The following TTC32 variants were observed in gnomAD, a reference collection of about 807,000 sequenced individuals.
TTC32 encodes the protein tetratricopeptide repeat protein 32.
A neutral mutation model predicts 15.3 loss-of-function variants in TTC32; 16 were observed. The ratio of observed to expected loss-of-function variants is 1.05; its 90% CI spans 0.71 to 1.59. The LOEUF (loss-of-function observed/expected upper bound fraction) is 1.59, where lower values mean the gene tolerates loss of function less well. Ranked by LOEUF, TTC32 falls within the 40% of genes most tolerant of loss-of-function variation. TTC32 has a pLI of 0.00. For missense variants in TTC32, 188 were observed against 181.9 expected (o/e 1.03, Z -0.19); for synonymous variants, 89 against 67.8 (o/e 1.31, Z -1.53).
chr2:19,897,083 G>A lies in TTC32; in HGVS notation c.360C>T (p.Asp120=). ...DALEDFKKVL[D]LNPGFQDATL... ...TAGCATCTTGAAATCCAGGATTTAA[G>A]TCTAAGACCTTCTTGAAATCTTCCA... The change falls in exon 3 of 3, where the codon GAC becomes GAT. Residue 120 remains aspartate, a synonymous_variant. Coordinates refer to ENST00000333610, the MANE Select transcript of TTC32 (RefSeq NM_001008237.3). The A allele has an allele frequency of 6.2e-7, 1 of 1,607,504 alleles. No homozygotes were observed. The highest frequency in any genetic ancestry group is 8.5e-7 in the Non-Finnish European group (1 of 1,177,654).
Position 19,896,886 on chromosome 2 carries a change from A to T in TTC32, c.*101T>A. The T allele has an allele frequency of 8.7e-7, 1 of 1,155,220 alleles. No homozygotes were observed. Among genetic ancestry groups the T allele is most frequent in the Non-Finnish European group, 1.2e-6 (1 of 845,592 alleles). 71.6% of individuals were successfully genotyped at this position (1,155,220 alleles called of 1,614,324 possible). On this transcript the variant is annotated 3_prime_UTR_variant, in exon 3 of 3. Transcript: ENST00000333610. ...ATTTAACTTTCAGTGCTAATGTATT[A>T]ATTTCTTAAATATAAATCAAAATAG...
rs540581218 is a variant in TTC32 at position 19,901,641 on chromosome 2, GC to G, written c.149+64del. On this transcript the variant is annotated intron_variant, in intron 1 of 2. Coordinates refer to ENST00000333610, the MANE Select transcript of TTC32 (RefSeq NM_001008237.3). Reference sequence around the variant, plus strand: ...GTGAGCTCCAGAGGCAAAGATAGGAGCCCAAACAACCCCAACGTCGCCTCCA... The same window carrying G: ...GTGAGCTCCAGAGGCAAAGATAGGAGCCAAACAACCCCAACGTCGCCTCCA... The G allele has an allele frequency of 3.2e-5, 50 of 1,563,096 alleles. No homozygotes were observed. The African/African-American group carries it at 3.8e-4, about 12-fold the overall frequency.
At chr2:19,900,108 C>T (rs981463382) in intron 1 of TTC32, among the ~76,000 whole-genome samples, 1 of 152,184 alleles carries the variant, frequency 6.6e-6, no homozygotes, top group Non-Finnish European at 1.5e-5. Flanking sequence ...TAAGGCATAG[C>T]TATTATATAT....
At chr2:19,898,098 A>G (rs544350357) in intron 1 of TTC32, 63 bp from the exon 2 acceptor site, 24 of 1,429,404 alleles carry the variant, frequency 1.7e-5, no homozygotes, top group Non-Finnish European at 2.1e-5. Flanking sequence ...TTCCACTTTC[A>G]TTCTCTTTTG....
At position 19,901,794 on chromosome 2, in the gene TTC32, T is replaced by G; in HGVS notation, c.61A>C (p.Asn21His). 6.2e-7 allele frequency: 1 copy of G among 1,614,200 alleles called. No homozygotes were observed. The highest frequency in any genetic ancestry group is 8.5e-7 in the Non-Finnish European group (1 of 1,180,016). ...TLTLAQAHFN[N>H]GEYAEAEALY... ...GCCTCGGCCTCCGCGTACTCTCCAT[T>G]GTTGAAATGAGCCTGGGCGAGTGTT... Residue 21 changes from asparagine (N) to histidine (H), a missense_variant, in exon 1 of 3, where the codon AAT (asparagine) becomes CAT (histidine). Coordinates refer to ENST00000333610, the MANE Select transcript of TTC32 (RefSeq NM_001008237.3).
At chr2:19,897,642 C>T (rs745757139) in intron 2 of TTC32, among the ~76,000 whole-genome samples, 6 of 152,200 alleles carry the variant, frequency 3.9e-5, no homozygotes, top group Non-Finnish European at 7.3e-5. Context: ...GGGGTCACCC[C>T]TGCTCCTGCG....
intron 2 of TTC32, among the ~76,000 whole-genome samples, chr2:19,897,608 G>T (rs566382403): frequency 1.8e-4 from 27 of 152,178 alleles, no homozygotes; most frequent in Admixed American, 1.1e-3. Context: ...TTTCACAGCT[G>T]GGAATGCACA....
intron 1 of TTC32, chr2:19,900,893 A>G: frequency 3.1e-6 from 1 of 324,020 alleles, no homozygotes; most frequent in Non-Finnish European, 6.4e-6. Flanking sequence ...AGCAAGTCCA[A>G]AACACGGAAA....
At chr2:19,901,433 G>A (rs1296470373) in intron 1 of TTC32, 6 of 413,106 alleles carry the variant, frequency 1.5e-5, no homozygotes, top group African/African-American at 7.0e-5. Flanking sequence ...GCCCGCGCCC[G>A]AGGATCGCGC....
At chr2:19,901,418 C>T in intron 1 of TTC32, 2 of 393,830 alleles carry the variant, frequency 5.1e-6, no homozygotes, top group Non-Finnish European at 9.3e-6. Flanking sequence ...GGGTGAGAGG[C>T]GGCGGCCCGC....
rs752087842 is a variant in TTC32, at chr2:19,901,786, C to T, written c.69G>A (p.Glu23=). 2.5e-6 allele frequency: 4 copies of T among 1,614,232 alleles called. No individual in the cohort carries two copies. The highest frequency in any genetic ancestry group is 3.4e-6 in the Non-Finnish European group (4 of 1,180,040). ...TLAQAHFNNG[E]YAEAEALYSA... ...AGTACAGTGCCTCGGCCTCCGCGTA[C>T]TCTCCATTGTTGAAATGAGCCTGGG... Residue 23 remains glutamate (E), a synonymous_variant, in exon 1 of 3, where the codon GAG becomes GAA. Transcript: ENST00000333610.
At chr2:19,899,252 G>A (rs1487562690) in intron 1 of TTC32, among the ~76,000 whole-genome samples, 1 of 152,108 alleles carries the variant, frequency 6.6e-6, no homozygotes, top group African/African-American at 2.4e-5. Flanking sequence ...AAGCACCCCC[G>A]TTAAAACCTA....
chr2:19,898,074 C>T (rs759109250), intron 1 of TTC32, 39 bp from the exon 2 acceptor site: 1 of 1,448,026 alleles, frequency 6.9e-7, no homozygotes, highest in South Asian at 1.5e-5. Flanking sequence ...ACCGTGTTAC[C>T]AAATTCCTCT....
intron 1 of TTC32, among the ~76,000 whole-genome samples, chr2:19,898,788 GACCAGCC>G (rs1272878714): frequency 6.6e-6 from 1 of 152,208 alleles, no homozygotes; most frequent in Non-Finnish European, 1.5e-5. Flanking sequence ...AGGTAGCTCT[GACCAGCC>G]ACCAGCTCAA....
At chr2:19,898,960 C>T (rs979799555) in intron 1 of TTC32, among the ~76,000 whole-genome samples, 3 of 152,352 alleles carry the variant, frequency 2.0e-5, no homozygotes, top group African/African-American at 4.8e-5. Flanking sequence ...ACAGAGAATT[C>T]ATCTGTCACT....
rs1038554658 is a variant in TTC32 at position 19,901,781 on chromosome 2, G to C, written c.74C>G (p.Ala25Gly). The change falls in exon 1 of 3, where the codon GCG (alanine) becomes GGG (glycine). Residue 25 changes from alanine to glycine, a missense_variant. Ala to Gly is a moderately conservative substitution (Grantham distance 60). Transcript: ENST00000333610. ...AQAHFNNGEYAEAEALYSAYI... is the reference protein window; with the variant it reads ...AQAHFNNGEYGEAEALYSAYI... ...AGCGGAGTACAGTGCCTCGGCCTCC[G>C]CGTACTCTCCATTGTTGAAATGAGC... The C allele has an allele frequency of 1.9e-6, 3 of 1,614,060 alleles. No individual in the cohort carries two copies. The African/African-American group carries it at 4.0e-5, about 22-fold the overall frequency.
chr2:19,899,313 T>C (rs547576371), intron 1 of TTC32, among the ~76,000 whole-genome samples: 72 of 152,326 alleles, frequency 4.7e-4, no homozygotes, highest in African/African-American at 1.7e-3. Flanking sequence ...ATGACACTAG[T>C]TGAACTGCTC....
At chr2:19,900,422 C>A (rs1048250727) in intron 1 of TTC32, among the ~76,000 whole-genome samples, 1 of 152,138 alleles carries the variant, frequency 6.6e-6, no homozygotes, top group Non-Finnish European at 1.5e-5. Flanking sequence ...TGTAGCGTAA[C>A]AAACAGGGTA....
At chr2:19,898,176 C>T (rs1669542446) in intron 1 of TTC32, 141 bp from the exon 2 acceptor site, 2 of 750,800 alleles carry the variant, frequency 2.7e-6, no homozygotes, top group Non-Finnish European at 4.0e-6. Flanking sequence ...GAAGAAAAAA[C>T]GTACAAATAA....
Sources: gnomAD v4.1 joint callset for allele counts (sites outside exome capture counted in the v4.1 genomes callset) on GRCh38, gnomAD v4.1.1 for gene constraint, MANE v1.5 for transcripts, NCBI Gene and HGNC (gene_info 2026-07-23, HGNC 2026-07-21) for gene names.